Variants in MRPL21 observed in about 807,000 individuals in gnomAD.
MRPL21 encodes large ribosomal subunit protein bL21m.
In MRPL21, 20 loss-of-function variants were observed where a neutral mutation model predicts 27.3. The ratio of observed to expected loss-of-function variants is 0.73; its 90% CI spans 0.52 to 1.06. The LOEUF is 1.06. MRPL21 is among the 50% of genes least tolerant of loss of function. The pLI is 0.00. For synonymous variants in MRPL21, 98 were observed against 101.5 expected, an observed-to-expected ratio of 0.97 and a Z score of 0.21; for missense variants, 249 against 251.4, an observed-to-expected ratio of 0.99 and a Z score of 0.06.
chr11:68,901,019 A>G, intron 1 of MRPL21, among the ~76,000 whole-genome samples: 1 of 152,048 alleles, frequency 6.6e-6, no homozygotes. Context: ...ACATGCTAGC[A>G]CGTGGCTTCT....
intron 4 of MRPL21, among the ~76,000 whole-genome samples, chr11:68,895,860 G>A (rs928912393): frequency 6.6e-6 from 1 of 152,072 alleles, no homozygotes; most frequent in African/African-American, 2.4e-5. Context: ...TAGTAGAGAT[G>A]AGGTCTCTGA....
At position 68,892,933 on chromosome 11, in the gene MRPL21, G is replaced by A; in HGVS notation, c.510C>T (p.Ile170=). Residue 170 remains isoleucine (I), a synonymous_variant, in exon 6 of 7, where the codon ATC becomes ATT. Coordinates refer to ENST00000362034, the MANE Select transcript of MRPL21 (RefSeq NM_181514.2). ...TTTTCCTTTTCCTGAATCTCATAATGATTCTTGGCCATGATTCTGTCTTTT... is the reference window on the plus strand; with the variant it reads ...TTTTCCTTTTCCTGAATCTCATAATAATTCTTGGCCATGATTCTGTCTTTT... ...VIEKTESWPR[I]IMRFRKRKNF... 1 of 1,613,496 alleles carries A rather than the reference G, an allele frequency of 6.2e-7. No homozygotes were observed.
In MRPL21 at chr11:68,896,526, G is replaced by A. The variant is rs992841927; in HGVS notation, c.385C>T (p.Arg129Ter). ...ELDLACGERI[R>*]LEKVLLVGAD... The stretch of plus-strand genomic sequence containing the variant: ...CTCGGTGGTCTCACCTTCTCCAGTC[G>A]AATTCTCTCTCCACACGCAAGGTCT... Residue 129 changes from arginine to a stop codon, truncating the protein, a stop_gained, in exon 4 of 7, where the codon CGA becomes TGA. Coordinates refer to ENST00000362034, the MANE Select transcript of MRPL21 (RefSeq NM_181514.2). LOFTEE classifies it high-confidence loss of function. The A allele has an allele frequency of 5.6e-6, 9 of 1,613,896 alleles. No homozygotes were observed. The highest frequency in any genetic ancestry group is 1.3e-5 in the African/African-American group (1 of 74,878).
At chr11:68,902,103 A>C (rs1267205139) in intron 1 of MRPL21, among the ~76,000 whole-genome samples, 3 of 152,218 alleles carry the variant, frequency 2.0e-5, no homozygotes, top group African/African-American at 4.8e-5. Context: ...GTAGTCCTAG[A>C]GACTGTGACT....
chr11:68,897,915 G>A lies in MRPL21; in HGVS notation c.232+12C>T. 2 of 1,610,666 alleles carry A rather than the reference G, an allele frequency of 1.2e-6. No homozygotes were observed. The highest frequency in any genetic ancestry group is 1.7e-5 in the Admixed American group (1 of 59,994). On this transcript the variant is annotated intron_variant, in intron 3 of 6. Coordinates refer to ENST00000362034, the MANE Select transcript of MRPL21 (RefSeq NM_181514.2). ...GGTGCCCTCTAGCTTCTGTCTCCCA[G>A]GGAGGTCTTACCTGCATGGTGTCTG...
At chr11:68,892,057 G>C (rs1465849102) in intron 6 of MRPL21, 2 of 1,293,516 alleles carry the variant, frequency 1.5e-6, no homozygotes, top group Non-Finnish European at 2.0e-6. Context: ...TGCGTGGAGG[G>C]TGGAGGAGAA....
Position 68,896,682 on chromosome 11 carries a change from C to A in MRPL21, c.233-4G>T. 1 of 1,613,360 alleles carries A rather than the reference C, an allele frequency of 6.2e-7. No homozygotes were observed. The highest frequency in any genetic ancestry group is 8.5e-7 in the Non-Finnish European group (1 of 1,179,788). Reference sequence around the variant, plus strand: ...TCATTCACCTTCTTCACGACCTCTGCAGGGGAAGGCGGGTGGGTGGGCAGT... The same window carrying A: ...TCATTCACCTTCTTCACGACCTCTGAAGGGGAAGGCGGGTGGGTGGGCAGT... On this transcript the variant is annotated splice_polypyrimidine_tract_variant and splice_region_variant and intron_variant, in intron 3 of 6. Coordinates refer to ENST00000362034, the MANE Select transcript of MRPL21 (RefSeq NM_181514.2).
chr11:68,902,736 G>GTATTA (rs1255209740), intron 1 of MRPL21, among the ~76,000 whole-genome samples: 1 of 152,172 alleles, frequency 6.6e-6, no homozygotes, highest in African/African-American at 2.4e-5. Context: ...ATAATGACAT[G>GTATTA]TATCTACCAT....
intron 3 of MRPL21, chr11:68,897,532 C>T (rs1462062305): frequency 9.7e-6 from 2 of 206,868 alleles, no homozygotes; most frequent in African/African-American, 4.6e-5. Flanking sequence ...TCCCTTCTGA[C>T]ACGGGCTCCA....
chr11:68,900,330 G>A lies in MRPL21; in HGVS notation c.146+218C>T, dbSNP rs549524226. Among the ~76,000 whole-genome samples, 15 of 152,326 alleles carry A rather than the reference G, an allele frequency of 9.8e-5. No homozygotes were observed. The East Asian group carries it at 2.9e-3, about 29-fold the overall frequency. On this transcript the variant is annotated intron_variant, in intron 2 of 6. Coordinates refer to ENST00000362034, the MANE Select transcript of MRPL21 (RefSeq NM_181514.2). Reference sequence around the variant, plus strand: ...GTTAAAGCTGAAAGTGGTGGTGCATGCCTGTAATCCCAGCTACTCAGGAGG... The same window carrying A: ...GTTAAAGCTGAAAGTGGTGGTGCATACCTGTAATCCCAGCTACTCAGGAGG...
chr11:68,900,604 G>A lies in MRPL21; in HGVS notation c.90C>T (p.Ala30=). The change falls in exon 2 of 7, where the codon GCC becomes GCT. Residue 30 remains alanine, a splice_region_variant and synonymous_variant. Transcript: ENST00000362034. ...ACCTTCGAGAAGCAGACCAAAGGGA[G>A]GCTGAGGGAAGAAGAGAAACACAGA... ...SILRPSGPGA[A]SLWSASRRFN... is the part of the protein sequence containing the mutation. 6.2e-7 allele frequency: 1 copy of A among 1,613,038 alleles called. No individual in the cohort carries two copies. Among genetic ancestry groups the A allele is most frequent in the Non-Finnish European group, 8.5e-7 (1 of 1,179,026 alleles).
chr11:68,899,952 C>T (rs61887148), intron 2 of MRPL21, among the ~76,000 whole-genome samples: 34,150 of 152,116 alleles, frequency 0.22, 4,940 homozygotes, highest in Admixed American at 0.4. Context: ...AGAAGCCTGG[C>T]GTCCCAGGCT....
At chr11:68,893,306 G>A in intron 5 of MRPL21, 97 bp downstream of exon 5, 3 of 1,580,982 alleles carry the variant, frequency 1.9e-6, no homozygotes, top group South Asian at 2.3e-5. Context: ...CAAAGAATAT[G>A]AATGCAACTC....
At chr11:68,896,417 G>A in intron 4 of MRPL21, 98 bp downstream of exon 4, 1 of 1,443,300 alleles carries the variant, frequency 6.9e-7, no homozygotes, top group Non-Finnish European at 9.5e-7. Flanking sequence ...ACCTGAGACG[G>A]GGTCGGCGAG....
chr11:68,899,641 T>C (rs548977709), intron 2 of MRPL21, among the ~76,000 whole-genome samples: 7 of 152,256 alleles, frequency 4.6e-5, no homozygotes, highest in Non-Finnish European at 7.3e-5. Context: ...AAGAACACGC[T>C]GGCAGGAAGG....
At chr11:68,897,860 C>T in intron 3 of MRPL21, 67 bp downstream of exon 3, 2 of 1,246,800 alleles carry the variant, frequency 1.6e-6, no homozygotes, top group Non-Finnish European at 2.4e-6. Context: ...TGGTGACAAC[C>T]TCTGTGGCTG....
chr11:68,900,015 C>T (rs547573469), intron 2 of MRPL21, among the ~76,000 whole-genome samples: 6 of 152,212 alleles, frequency 3.9e-5, no homozygotes, highest in East Asian at 1.9e-4. Flanking sequence ...TAACTGCTAT[C>T]CCTGCACTGC....
intron 6 of MRPL21, 163 bp from the exon 7 acceptor site, chr11:68,891,558 G>C (rs1480200193): frequency 1.3e-5 from 9 of 698,630 alleles, no homozygotes; most frequent in Admixed American, 1.1e-4. Context: ...TGCCTCGCTA[G>C]CTTGTTCGTT....
intron 3 of MRPL21, 111 bp downstream of exon 3, chr11:68,897,816 A>C (rs1373681899): frequency 2.6e-6 from 2 of 759,004 alleles, no homozygotes; most frequent in Non-Finnish European, 4.6e-6. Context: ...TGTGTCTGGG[A>C]GCATCTGGAA....
Sources: allele counts gnomAD v4.1 joint callset (sites outside exome capture counted in the v4.1 genomes callset), GRCh38; gene constraint gnomAD v4.1.1; transcripts MANE v1.5; gene names NCBI Gene and HGNC (gene_info 2026-07-23, HGNC 2026-07-21).